Variants in BRINP3 observed in about 807,000 individuals in gnomAD.
BRINP3 encodes BMP/retinoic acid inducible neural specific 3.
A neutral mutation model predicts 71.0 loss-of-function variants in BRINP3; 19 were observed. The ratio of observed to expected loss-of-function variants is 0.27; its 90% CI spans 0.19 to 0.39. The LOEUF (loss-of-function observed/expected upper bound fraction) is 0.39, where lower values mean the gene tolerates loss of function less well. BRINP3 is among the 10% of genes least tolerant of loss of function. BRINP3 has a pLI of 1.00. For missense variants in BRINP3, 959 were observed against 940.8 expected (o/e 1.02, Z -0.25); for synonymous variants, 380 against 337.7 (o/e 1.13, Z -1.37).
chr1:190,384,506 A>G (rs894830884), intron 2 of BRINP3, among the ~76,000 whole-genome samples: 4 of 151,918 alleles, frequency 2.6e-5, no homozygotes, highest in African/African-American at 9.7e-5. Context: ...AACTATAAAT[A>G]TTAATAAATT....
intron 6 of BRINP3, among the ~76,000 whole-genome samples, chr1:190,216,525 G>C (rs1031015796): frequency 6.6e-5 from 10 of 151,934 alleles, no homozygotes; most frequent in African/African-American, 2.4e-4. Flanking sequence ...GACATGAAAA[G>C]AGAAATATTT....
At chr1:190,323,616 AT>A in intron 2 of BRINP3, among the ~76,000 whole-genome samples, 1 of 151,508 alleles carries the variant, frequency 6.6e-6, no homozygotes, top group African/African-American at 2.4e-5. Context: ...AAAAATAAGA[AT>A]TTTTTTCTTA....
At chr1:190,137,256 A>G (rs2102374159) in intron 7 of BRINP3, among the ~76,000 whole-genome samples, 1 of 152,234 alleles carries the variant, frequency 6.6e-6, no homozygotes, top group South Asian at 2.1e-4. Flanking sequence ...ATGAAGAATT[A>G]TAGATGAAAG....
At chr1:190,350,609 T>G (rs935823430) in intron 2 of BRINP3, among the ~76,000 whole-genome samples, 1 of 152,138 alleles carries the variant, frequency 6.6e-6, no homozygotes, top group Admixed American at 6.5e-5. Context: ...CAAACCACTG[T>G]GAAATTGAGT....
rs569277624 is a variant in BRINP3, at chr1:190,200,605, T to C, written c.961+25477A>G. Among the ~76,000 whole-genome samples the C allele has an allele frequency of 3.9e-5, 6 of 152,210 alleles. No individual in the cohort carries two copies. The South Asian group carries it at 1.2e-3, about 32-fold the overall frequency. ...TTTTGTTCAATTAGTCATGTGATGA[T>C]GGAAGATGATAGGATTTGACTCTAT... is the stretch of plus-strand genomic sequence containing the variant. On this transcript the variant is annotated intron_variant, in intron 6 of 7. Coordinates refer to ENST00000367462, the MANE Select transcript of BRINP3 (RefSeq NM_199051.3).
chr1:190,419,286 A>G (rs1010543453), intron 2 of BRINP3, among the ~76,000 whole-genome samples: 2 of 152,088 alleles, frequency 1.3e-5, no homozygotes, highest in Admixed American at 1.3e-4. Flanking sequence ...ACACCAATTT[A>G]TGATTGAATT....
chr1:190,266,180 T>A (rs1170131473), intron 3 of BRINP3, among the ~76,000 whole-genome samples: 2 of 152,232 alleles, frequency 1.3e-5, no homozygotes, highest in African/African-American at 4.8e-5. Context: ...TTTGTTTGGG[T>A]AGTATTGTGC....
intron 2 of BRINP3, among the ~76,000 whole-genome samples, chr1:190,293,867 A>G (rs1220865523): frequency 6.6e-6 from 1 of 152,120 alleles, no homozygotes; most frequent in Non-Finnish European, 1.5e-5. Context: ...TCATTTTCAT[A>G]GAATATATAT....
At chr1:190,298,171 G>T (rs979032208) in intron 2 of BRINP3, among the ~76,000 whole-genome samples, 5 of 152,008 alleles carry the variant, frequency 3.3e-5, no homozygotes, top group African/African-American at 9.7e-5. Flanking sequence ...TTATATCCAC[G>T]AGTTGTGTAG....
chr1:190,155,672 GACC>G (rs1656799994), intron 7 of BRINP3, among the ~76,000 whole-genome samples: 1 of 152,024 alleles, frequency 6.6e-6, no homozygotes, highest in South Asian at 2.1e-4. Flanking sequence ...ATTAGGGAGG[GACC>G]TAGTGTGAGG....
At chr1:190,326,466 T>C (rs1284735962) in intron 2 of BRINP3, among the ~76,000 whole-genome samples, 1 of 151,912 alleles carries the variant, frequency 6.6e-6, no homozygotes, top group Non-Finnish European at 1.5e-5. Flanking sequence ...ACCTACAAAA[T>C]ACTATACAAA....
intron 2 of BRINP3, among the ~76,000 whole-genome samples, chr1:190,355,591 TAA>T (rs1186885232): frequency 2.0e-5 from 3 of 151,936 alleles, no homozygotes; most frequent in Non-Finnish European, 2.9e-5. Flanking sequence ...TATTTTCTAT[TAA>T]GTTATGAAAA....
chr1:190,381,089 C>T (rs1670518635), intron 2 of BRINP3, among the ~76,000 whole-genome samples: 1 of 152,126 alleles, frequency 6.6e-6, no homozygotes, highest in Admixed American at 6.6e-5. Context: ...GTCTAAACTC[C>T]TGCAGGAGCC....
At chr1:190,232,373 A>T (rs1658076056) in intron 5 of BRINP3, among the ~76,000 whole-genome samples, 1 of 152,072 alleles carries the variant, frequency 6.6e-6, no homozygotes, top group South Asian at 2.1e-4. Flanking sequence ...GTACAAAAGG[A>T]GAGGTTTAAA....
chr1:190,251,223 A>G (rs1173510410), intron 4 of BRINP3, among the ~76,000 whole-genome samples: 3 of 151,906 alleles, frequency 2.0e-5, no homozygotes, highest in Non-Finnish European at 2.9e-5. Flanking sequence ...CCTGAGTCCT[A>G]TGTATTTGCT....
chr1:190,305,195 G>A (rs1571694440), intron 2 of BRINP3, among the ~76,000 whole-genome samples: 1 of 151,860 alleles, frequency 6.6e-6, no homozygotes, highest in South Asian at 2.1e-4. Flanking sequence ...AAATTTGGAG[G>A]TTCCTCAAAA....
intron 7 of BRINP3, among the ~76,000 whole-genome samples, chr1:190,139,088 C>T (rs1655210037): frequency 6.6e-6 from 1 of 151,686 alleles, no homozygotes; most frequent in Non-Finnish European, 1.5e-5. Context: ...CCTAAAAGTG[C>T]TTAGATTCCA....
At chr1:190,311,829 C>T (rs505600) in intron 2 of BRINP3, among the ~76,000 whole-genome samples, 57,479 of 149,742 alleles carry the variant, frequency 0.38, 12,350 homozygotes, top group Non-Finnish European at 0.49. Context: ...ATCGTAAAGT[C>T]TATTTGCACA....
chr1:190,439,833 G>A (rs1391615478), intron 2 of BRINP3, among the ~76,000 whole-genome samples: 3 of 151,762 alleles, frequency 2.0e-5, no homozygotes, highest in South Asian at 2.1e-4. Context: ...ATATACAATG[G>A]CAAAAACAGG....
Sources: allele counts gnomAD v4.1 joint callset (sites outside exome capture counted in the v4.1 genomes callset), GRCh38; gene constraint gnomAD v4.1.1; transcripts MANE v1.5; gene names NCBI Gene and HGNC (gene_info 2026-07-23, HGNC 2026-07-21).